Variants in MAST4 observed in about 807,000 individuals in gnomAD.
MAST4 encodes microtubule associated serine/threonine kinase family member 4, also known as microtubule-associated serine/threonine-protein kinase 4.
A neutral mutation model predicts 162.7 loss-of-function variants in MAST4; 89 were observed. The ratio of observed to expected loss-of-function variants is 0.55; its 90% confidence interval spans 0.46 to 0.65. The LOEUF is 0.65. MAST4 is among the 30% of genes least tolerant of loss of function. MAST4 has a pLI of 0.00. For synonymous variants in MAST4, 1,479 were observed against 1,361.1 expected, an observed-to-expected ratio of 1.09 and a Z score of -1.91; for missense variants, 3,153 against 3,374.0, an observed-to-expected ratio of 0.93 and a Z score of 1.62.
chr5:67,070,560 G>A (rs1040390076), intron 5 of MAST4, among the ~76,000 whole-genome samples: 1 of 151,984 alleles, frequency 6.6e-6, no homozygotes. Flanking sequence ...TGACTTGTGA[G>A]TTTATGTTTG....
intron 4 of MAST4, among the ~76,000 whole-genome samples, chr5:67,027,701 G>C (rs1285336753): frequency 6.6e-6 from 1 of 152,170 alleles, no homozygotes; most frequent in Non-Finnish European, 1.5e-5. Context: ...AATAGAGTTG[G>C]ATGAAGAAGG....
At chr5:66,840,530 C>T (rs1003276074) in intron 3 of MAST4, among the ~76,000 whole-genome samples, 1 of 137,770 alleles carries the variant, frequency 7.3e-6, no homozygotes, top group Non-Finnish European at 1.6e-5. Context: ...TTTTTTACTT[C>T]CTGTAATAGA....
chr5:66,874,389 G>A (rs1159229916), intron 3 of MAST4, among the ~76,000 whole-genome samples: 1 of 152,172 alleles, frequency 6.6e-6, no homozygotes, highest in Non-Finnish European at 1.5e-5. Context: ...GTGTACAGAG[G>A]ATTAGTTTTC....
chr5:66,658,981 C>T (rs1215817232), intron 1 of MAST4, among the ~76,000 whole-genome samples: 1 of 152,104 alleles, frequency 6.6e-6, no homozygotes, highest in Non-Finnish European at 1.5e-5. Context: ...ATGATTGTAC[C>T]ACTGCACTCC....
At chr5:66,637,857 C>T (rs917927421) in intron 1 of MAST4, among the ~76,000 whole-genome samples, 8 of 151,974 alleles carry the variant, frequency 5.3e-5, no homozygotes, top group African/African-American at 1.7e-4. Flanking sequence ...ACCACAGGCA[C>T]GTGCCACCAC....
chr5:66,925,903 A>G (rs912678223), intron 4 of MAST4, among the ~76,000 whole-genome samples: 3 of 152,078 alleles, frequency 2.0e-5, no homozygotes, highest in Non-Finnish European at 4.4e-5. Context: ...ATAATGGTGA[A>G]TGTTGAGTCC....
Position 67,166,017 on chromosome 5 carries a change from G to A in MAST4, c.6838G>A (p.Ala2280Thr). ...CTCTGTCCCACTGCACACTGACAGGGCTCCTCTAGACGCCAAGCCACAACC... is the reference window on the plus strand; with the variant it reads ...CTCTGTCCCACTGCACACTGACAGGACTCCTCTAGACGCCAAGCCACAACC... Reference protein sequence around the residue: ...GPSVPLHTDRAPLDAKPQPTS... With the variant: ...GPSVPLHTDRTPLDAKPQPTS... Residue 2280 changes from alanine to threonine, a missense_variant, in exon 29 of 29, where the codon GCT becomes ACT. Ala to Thr is a moderately conservative substitution (Grantham distance 58). Transcript: ENST00000403625. The A allele has an allele frequency of 1.2e-6, 2 of 1,613,688 alleles. No individual in the cohort carries two copies. Among genetic ancestry groups the A allele is most frequent in the East Asian group, 2.2e-5 (1 of 44,864 alleles).
chr5:66,817,934 C>T (rs1197182054), intron 3 of MAST4, among the ~76,000 whole-genome samples: 1 of 152,106 alleles, frequency 6.6e-6, no homozygotes, highest in Non-Finnish European at 1.5e-5. Flanking sequence ...GAAAATAAAT[C>T]CAAGAAGTTA....
intron 24 of MAST4, among the ~76,000 whole-genome samples, chr5:67,151,908 C>T (rs889694124): frequency 3.9e-5 from 6 of 151,994 alleles, no homozygotes; most frequent in Admixed American, 6.6e-5. Flanking sequence ...GCTGGGACTA[C>T]AGGCACATGC....
intron 3 of MAST4, among the ~76,000 whole-genome samples, chr5:66,886,602 T>C (rs1453379194): frequency 2.0e-5 from 3 of 151,456 alleles, no homozygotes; most frequent in African/African-American, 7.3e-5. Flanking sequence ...ATCAGTTTGA[T>C]GTATCCAAGG....
intron 3 of MAST4, among the ~76,000 whole-genome samples, chr5:66,798,029 C>T (rs1755736067): frequency 6.6e-6 from 1 of 152,110 alleles, no homozygotes; most frequent in Admixed American, 6.5e-5. Flanking sequence ...GATGGTGAGC[C>T]TTCACTTCAT....
chr5:66,633,773 T>C (rs1580054895), intron 1 of MAST4, among the ~76,000 whole-genome samples: 2 of 152,220 alleles, frequency 1.3e-5, no homozygotes, highest in African/African-American at 4.8e-5. Context: ...TCATCTTCAT[T>C]TTTTCGTATA....
chr5:67,165,723 C>T lies in MAST4; in HGVS notation c.6544C>T (p.Pro2182Ser). ...CTCGAGCCCCCAGGACCCTCCCAAG[C>T]CTGTTGCTGCGCACAGTGAAAGCAG... Reference protein sequence around the residue: ...PSSSPQDPPKPVAAHSESSSH... With the variant: ...PSSSPQDPPKSVAAHSESSSH... The change falls in exon 29 of 29, where the codon CCT becomes TCT. Residue 2182 changes from proline to serine, a missense_variant. Coordinates refer to ENST00000403625, the MANE Select transcript of MAST4 (RefSeq NM_001164664.2). 1 of 1,576,512 alleles carries T rather than the reference C, an allele frequency of 6.3e-7. No individual in the cohort carries two copies. The highest frequency in any genetic ancestry group is 8.6e-7 in the Non-Finnish European group (1 of 1,162,242).
intron 1 of MAST4, among the ~76,000 whole-genome samples, chr5:66,758,392 A>C (rs1490039836): frequency 6.6e-6 from 1 of 151,186 alleles, no homozygotes; most frequent in Non-Finnish European, 1.5e-5. Context: ...AATAAATAGA[A>C]ATAAATATTT....
intron 1 of MAST4, among the ~76,000 whole-genome samples, chr5:66,650,170 A>T (rs1746125608): frequency 6.6e-6 from 1 of 152,130 alleles, no homozygotes; most frequent in Non-Finnish European, 1.5e-5. Flanking sequence ...GGACTGACAG[A>T]TCTAGGCTCA....
intron 4 of MAST4, among the ~76,000 whole-genome samples, chr5:66,907,186 AGAG>A (rs1763417782): frequency 6.7e-6 from 1 of 149,622 alleles, no homozygotes; most frequent in Non-Finnish European, 1.5e-5. Context: ...AGAGAGAGAG[AGAG>A]AGAGAGAGAG....
chr5:67,020,606 C>T (rs1307419227), intron 4 of MAST4, among the ~76,000 whole-genome samples: 1 of 152,176 alleles, frequency 6.6e-6, no homozygotes, highest in Non-Finnish European at 1.5e-5. Context: ...GACGCCTCTT[C>T]CTCTGTTTTC....
chr5:67,132,089 T>G (rs891166643), intron 16 of MAST4, 138 bp downstream of exon 16: 54 of 957,748 alleles, frequency 5.6e-5, no homozygotes, highest in Middle Eastern at 3.4e-4. Context: ...TAACAGTATA[T>G]ATGGTAATTT....
At chr5:67,016,790 T>G (rs1356885431) in intron 4 of MAST4, among the ~76,000 whole-genome samples, 3 of 152,224 alleles carry the variant, frequency 2.0e-5, no homozygotes, top group Non-Finnish European at 4.4e-5. Context: ...TCCCTGTATG[T>G]ATTATAAAAT....
Sources: gnomAD v4.1 joint callset for allele counts (sites outside exome capture counted in the v4.1 genomes callset) on GRCh38, gnomAD v4.1.1 for gene constraint, MANE v1.5 for transcripts, NCBI Gene and HGNC (gene_info 2026-07-23, HGNC 2026-07-21) for gene names.